The following DLG2 variants were observed in gnomAD, a reference collection of about 807,000 sequenced individuals.
DLG2 encodes disks large homolog 2.
In DLG2, 45 loss-of-function variants were observed where a neutral mutation model predicts 132.5. That is an observed-to-expected ratio of 0.34 (90% CI 0.27 to 0.44). DLG2 has a LOEUF of 0.44. Ranked by LOEUF, DLG2 falls within the 20% of genes least tolerant of loss-of-function variation. DLG2 has a pLI of 1.00. For missense variants in DLG2, 1,045 were observed against 1,196.9 expected, an observed-to-expected ratio of 0.87 and a Z score of 1.87; for synonymous variants, 424 against 419.6, an observed-to-expected ratio of 1.01 and a Z score of -0.13.
intron 17 of DLG2, among the ~76,000 whole-genome samples, chr11:83,787,340 T>TTTTTTTTAG (rs66699053): frequency 2.9e-5 from 3 of 102,746 alleles, no homozygotes; most frequent in Admixed American, 2.1e-4. Context: ...TTTTTTTTTT[T>TTTTTTTTAG]AGACAGAGTC....
chr11:83,733,574 C>A (rs1178229218), intron 18 of DLG2, among the ~76,000 whole-genome samples: 1 of 152,158 alleles, frequency 6.6e-6, no homozygotes, highest in East Asian at 1.9e-4. Flanking sequence ...AATGCTTAGT[C>A]CCTCTAATGT....
chr11:84,297,463 C>T (rs1336965584), intron 7 of DLG2, among the ~76,000 whole-genome samples: 1 of 152,156 alleles, frequency 6.6e-6, no homozygotes, highest in South Asian at 2.1e-4. Flanking sequence ...GGAATCCACA[C>T]TATTTAATCC....
At chr11:85,414,999 A>C (rs1361581365) in intron 3 of DLG2, among the ~76,000 whole-genome samples, 2 of 151,984 alleles carry the variant, frequency 1.3e-5, no homozygotes, top group African/African-American at 4.8e-5. Context: ...TCTTAATGCT[A>C]TCCTTCCCCT....
At chr11:85,141,329 T>C (rs1314508213) in intron 5 of DLG2, among the ~76,000 whole-genome samples, 2 of 151,786 alleles carry the variant, frequency 1.3e-5, no homozygotes, top group Non-Finnish European at 3.0e-5. Flanking sequence ...TAATGTTGAG[T>C]ATTTTTCATA....
At chr11:84,433,598 T>C (rs1228441679) in intron 7 of DLG2, among the ~76,000 whole-genome samples, 1 of 152,218 alleles carries the variant, frequency 6.6e-6, no homozygotes, top group Admixed American at 6.5e-5. Context: ...AATGAACTTT[T>C]AAATGAAAGA....
chr11:85,099,507 A>G (rs2070486483), intron 6 of DLG2, among the ~76,000 whole-genome samples: 1 of 152,178 alleles, frequency 6.6e-6, no homozygotes, highest in Non-Finnish European at 1.5e-5. Context: ...AAACATTTTA[A>G]AAAGTCTGTA....
intron 3 of DLG2, among the ~76,000 whole-genome samples, chr11:85,493,831 G>T (rs1237825145): frequency 6.6e-6 from 1 of 150,562 alleles, no homozygotes; most frequent in Non-Finnish European, 1.5e-5. Context: ...AGGGAGGGAA[G>T]AGAGGGAGAG....
intron 15 of DLG2, among the ~76,000 whole-genome samples, chr11:83,928,854 A>G (rs2079547692): frequency 6.6e-6 from 1 of 152,224 alleles, no homozygotes; most frequent in Non-Finnish European, 1.5e-5. Context: ...AATGTTAGCT[A>G]CCCTTATGTA....
Position 85,239,637 on chromosome 11 carries a change from C to G in DLG2, c.186+45583G>C, listed in dbSNP as rs118164077. 3.7e-3 allele frequency among the ~76,000 whole-genome samples: 560 copies of G among 152,068 alleles called. 3 individuals are homozygous for G. The highest frequency in any genetic ancestry group is 6.2e-3 in the Non-Finnish European group (424 of 67,924). Reference sequence around the variant, plus strand: ...TGAACTTTAAATATAGTGGTTTTGACTTTATAAAAGTCTATCCTATTTATA... The same window carrying G: ...TGAACTTTAAATATAGTGGTTTTGAGTTTATAAAAGTCTATCCTATTTATA... On this transcript the variant is annotated intron_variant, in intron 4 of 27. Transcript: ENST00000376104.
intron 4 of DLG2, among the ~76,000 whole-genome samples, chr11:85,220,637 A>ATATATATATATAT (rs1554992641): frequency 1.1e-4 from 16 of 148,314 alleles, no homozygotes; most frequent in African/African-American, 3.7e-4. Context: ...TAGAAAAAAA[A>ATATATATATATAT]ATATATATAT....
chr11:85,515,398 C>A (rs1476684401), intron 3 of DLG2, among the ~76,000 whole-genome samples: 1 of 151,892 alleles, frequency 6.6e-6, no homozygotes, highest in African/African-American at 2.4e-5. Context: ...TCAAGCAGAC[C>A]TGATTGAATC....
intron 18 of DLG2, among the ~76,000 whole-genome samples, chr11:83,746,805 G>A (rs2092947078): frequency 6.6e-6 from 1 of 152,056 alleles, no homozygotes; most frequent in South Asian, 2.1e-4. Flanking sequence ...TCTTAGATTG[G>A]AATTAGGTGA....
chr11:85,228,033 A>G (rs922557898), intron 4 of DLG2, among the ~76,000 whole-genome samples: 1 of 152,012 alleles, frequency 6.6e-6, no homozygotes, highest in Non-Finnish European at 1.5e-5. Context: ...CTACTCCTCA[A>G]TGAGATTTCC....
At chr11:83,814,783 C>T (rs1183835595) in intron 17 of DLG2, 2 of 218,764 alleles carry the variant, frequency 9.1e-6, no homozygotes, top group Admixed American at 9.1e-5. Flanking sequence ...TGCTCTAGAT[C>T]TTGATCAATT....
intron 3 of DLG2, among the ~76,000 whole-genome samples, chr11:85,467,355 G>A (rs935332475): frequency 1.3e-5 from 2 of 152,182 alleles, no homozygotes; most frequent in Non-Finnish European, 2.9e-5. Flanking sequence ...TGTTGAATAG[G>A]AGTGGTGAGA....
intron 6 of DLG2, among the ~76,000 whole-genome samples, chr11:84,550,922 G>T (rs1056805590): frequency 3.2e-4 from 49 of 152,104 alleles, no homozygotes; most frequent in Non-Finnish European, 7.4e-5. Flanking sequence ...CATACTTCCT[G>T]TACCAAGAAG....
At chr11:84,590,552 T>C (rs1374683287) in intron 6 of DLG2, among the ~76,000 whole-genome samples, 1 of 152,188 alleles carries the variant, frequency 6.6e-6, no homozygotes, top group Non-Finnish European at 1.5e-5. Flanking sequence ...TGTAAATATT[T>C]ACTTTCTATC....
At chr11:84,919,935 T>C (rs550571258) in intron 6 of DLG2, among the ~76,000 whole-genome samples, 10 of 152,318 alleles carry the variant, frequency 6.6e-5, no homozygotes, top group African/African-American at 1.9e-4. Flanking sequence ...AAATTGTATT[T>C]TGTAAAACTA....
chr11:85,277,629 TACTC>T (rs761659604), intron 4 of DLG2, among the ~76,000 whole-genome samples: 1 of 152,200 alleles, frequency 6.6e-6, no homozygotes, highest in Non-Finnish European at 1.5e-5. Context: ...CTCTGTGAGT[TACTC>T]ACAGGCTTCC....
Sources: gnomAD v4.1 joint callset for allele counts (sites outside exome capture counted in the v4.1 genomes callset) on GRCh38, gnomAD v4.1.1 for gene constraint, MANE v1.5 for transcripts, NCBI Gene and HGNC (gene_info 2026-07-23, HGNC 2026-07-21) for gene names.